Variants in MIAT observed in about 807,000 individuals in gnomAD.
MIAT encodes myocardial infarction associated transcript.
downstream of MIAT, chr22:26,673,944 A>T (rs1018834): frequency 0.59 from 235,802 of 398,446 alleles, 72,265 homozygotes; most frequent in East Asian, 0.81. Flanking sequence ...TTCTTAAAAA[A>T]ATATAGCCTT....
At chr22:26,657,280 G>A (rs1265233264) in intron 2 of MIAT, 2 of 384,482 alleles carry the variant, frequency 5.2e-6, no homozygotes, top group Non-Finnish European at 9.2e-6. Context: ...TAGCCCCTTT[G>A]TGCGGCGGGG....
chr22:26,667,043 C>T (rs890276919), intron 4 of MIAT: 64 of 396,242 alleles, frequency 1.6e-4, no homozygotes, highest in East Asian at 6.4e-4. Flanking sequence ...AGGCCCAGAA[C>T]GCTCCTGCTC....
intron 2 of MIAT, among the ~76,000 whole-genome samples, chr22:26,647,512 C>A (rs1424730787): frequency 6.6e-6 from 1 of 151,724 alleles, no homozygotes; most frequent in Non-Finnish European, 1.5e-5. Flanking sequence ...AATCCAGGGA[C>A]CTAAAAGTCA....
exon 5 of MIAT, chr22:26,675,789 G>A (rs1931240801): frequency 2.5e-6 from 1 of 398,666 alleles, no homozygotes; most frequent in East Asian, 3.6e-5. Flanking sequence ...ATGGCTGCAA[G>A]GGGCAGATAC....
intron 2 of MIAT, among the ~76,000 whole-genome samples, chr22:26,660,165 T>C (rs1363071629): frequency 6.6e-6 from 1 of 151,632 alleles, no homozygotes; most frequent in Non-Finnish European, 1.5e-5. Flanking sequence ...TATTTCTCTC[T>C]GGTATATTTT....
chr22:26,661,891 C>CAT (rs1406318929), intron 2 of MIAT, among the ~76,000 whole-genome samples: 29 of 133,134 alleles, frequency 2.2e-4, no homozygotes, highest in Non-Finnish European at 3.8e-4. Flanking sequence ...TCATTTAATC[C>CAT]ATATATATAT....
At chr22:26,657,206 C>T in intron 2 of MIAT, 1 of 282,136 alleles carries the variant, frequency 3.5e-6, no homozygotes, top group East Asian at 6.0e-5. Flanking sequence ...CTAATGTGGA[C>T]GGGCAAGCGT....
chr22:26,676,326 A>G, exon 5 of MIAT: 1 of 398,582 alleles, frequency 2.5e-6, no homozygotes, highest in African/African-American at 2.1e-5. Flanking sequence ...GGGATACCGA[A>G]TGTGTGGGTA....
chr22:26,651,544 G>A (rs1206926795), intron 2 of MIAT, among the ~76,000 whole-genome samples: 1 of 152,168 alleles, frequency 6.6e-6, no homozygotes, highest in Non-Finnish European at 1.5e-5. Context: ...AGAGAGGTAC[G>A]TACCCAAAAG....
exon 4 of MIAT, chr22:26,666,368 A>G: frequency 2.5e-6 from 1 of 398,720 alleles, no homozygotes; most frequent in Non-Finnish European, 4.4e-6. Flanking sequence ...AGGAAAGGGC[A>G]GGGGAGAAGG....
At chr22:26,673,667 G>C (rs772771022), downstream of MIAT, 19 of 213,850 alleles carry the variant, frequency 8.9e-5, no homozygotes, top group Non-Finnish European at 1.5e-4. Flanking sequence ...GCTAACACAG[G>C]TTTGAACTTG....
At chr22:26,674,527 G>A (rs1317033450), downstream of MIAT, 1 of 398,718 alleles carries the variant, frequency 2.5e-6, no homozygotes, top group Non-Finnish European at 4.4e-6. Context: ...TTGAATGCTA[G>A]TCTGGTGCTG....
At chr22:26,666,787 C>A (rs559962344) in exon 4 of MIAT, 2 of 398,964 alleles carry the variant, frequency 5.0e-6, no homozygotes, top group South Asian at 2.5e-4. Flanking sequence ...GGAGTTCTGG[C>A]AAGGCCTGGG....
Position 26,649,785 on chromosome 22 carries a change from C to T in MIAT, n.646+2474C>T, listed in dbSNP as rs1025034758. ...AAAATTAGCTGGGTGTGGTGGCATG[C>T]GCCTGTAGTCCCAGCTACTCGGGAG... is the stretch of plus-strand genomic sequence containing the variant. On this transcript the variant is annotated intron_variant and non_coding_transcript_variant, in intron 2 of 5. Coordinates refer to ENST00000643270, the Ensembl canonical transcript of MIAT. 6.6e-5 allele frequency among the ~76,000 whole-genome samples: 10 copies of T among 152,268 alleles called. No individual in the cohort carries two copies. In the East Asian group the frequency reaches 1.4e-3, roughly 21 times the overall value.
chr22:26,668,532 C>T (rs565564015), exon 6 of MIAT: 10 of 399,028 alleles, frequency 2.5e-5, no homozygotes, highest in East Asian at 2.1e-4. Flanking sequence ...GCGTTTCTGC[C>T]GGTGACCAGA....
At chr22:26,673,572 T>A (rs1329848627), downstream of MIAT, 1 of 398,638 alleles carries the variant, frequency 2.5e-6, no homozygotes, top group East Asian at 3.6e-5. Flanking sequence ...TTTTTCTGAC[T>A]AACAACAGGT....
At chr22:26,656,365 C>A (rs1374943535) in intron 2 of MIAT, among the ~76,000 whole-genome samples, 1 of 149,560 alleles carries the variant, frequency 6.7e-6, no homozygotes, top group Non-Finnish European at 1.5e-5. Context: ...GCTCTTGTCA[C>A]CCGGGCTAGA....
At chr22:26,665,123 C>T (rs187851440) in intron 3 of MIAT, among the ~76,000 whole-genome samples, 1 of 152,158 alleles carries the variant, frequency 6.6e-6, no homozygotes, top group East Asian at 1.9e-4. Context: ...CATCTGTAAT[C>T]TCAGCTACTT....
At chr22:26,666,605 T>G in exon 4 of MIAT, 1 of 398,720 alleles carries the variant, frequency 2.5e-6, no homozygotes, top group Non-Finnish European at 4.4e-6. Context: ...TTTGTCCTAC[T>G]TTCTCCTGGG....
Sources: gnomAD v4.1 joint callset for allele counts (sites outside exome capture counted in the v4.1 genomes callset) on GRCh38, gnomAD v4.1.1 for gene constraint, MANE v1.5 for transcripts, NCBI Gene and HGNC (gene_info 2026-07-23, HGNC 2026-07-21) for gene names.